Variants in NCOR2 observed in about 807,000 individuals in gnomAD.
The protein encoded by NCOR2 is nuclear receptor corepressor 2.
Under a neutral mutation model 262.9 loss-of-function variants are expected in NCOR2, and 81 were observed. That is an observed-to-expected ratio of 0.31 (90% confidence interval 0.26 to 0.37). The LOEUF is 0.37. NCOR2 is among the 10% of genes least tolerant of loss of function. The pLI, the probability that NCOR2 is intolerant of heterozygous loss-of-function variation, is 1.00. For missense variants in NCOR2, 3,385 were observed against 3,621.4 expected, an observed-to-expected ratio of 0.93 and a Z score of 1.68; for synonymous variants, 1,659 against 1,559.3, an observed-to-expected ratio of 1.06 and a Z score of -1.51.
Position 124,332,471 on chromosome 12 carries a change from T to C in NCOR2, c.6756-4A>G, listed in dbSNP as rs940544715. 1.9e-6 allele frequency: 3 copies of C among 1,614,064 alleles called. No individual in the cohort carries two copies. Among genetic ancestry groups the C allele is most frequent in the Non-Finnish European group, 2.5e-6 (3 of 1,180,034 alleles). The stretch of plus-strand genomic sequence containing the variant: ...TGGAGACTTGGAGCCCATCCTGCTG[T>C]GAGGATCAAACACCTCACATCAGCT... On this transcript the variant is annotated splice_region_variant and splice_polypyrimidine_tract_variant and intron_variant, in intron 42 of 46. Coordinates refer to ENST00000405201, the Ensembl canonical transcript of NCOR2.
At chr12:124,391,541 C>T (rs1378840532) in intron 16 of NCOR2, among the ~76,000 whole-genome samples, 1 of 152,140 alleles carries the variant, frequency 6.6e-6, no homozygotes, top group Non-Finnish European at 1.5e-5. Context: ...TCCGCATTGA[C>T]ACCCTTGACA....
At position 124,327,419 on chromosome 12, in the gene NCOR2, G is replaced by C. The variant is rs73419814; in HGVS notation, c.7173C>G (p.Leu2391=). ...GGGTGGCCTGCAGACCTGGCGAGGT[G>C]AGTGTGTGGTCACTCCGTCCGTCAG... Residue 2391 remains leucine, a synonymous_variant, in exon 45 of 47, where the codon CTC becomes CTG. Coordinates refer to ENST00000405201, the Ensembl canonical transcript of NCOR2. The C allele has an allele frequency of 2.3e-5, 37 of 1,610,110 alleles. No homozygotes were observed. The African/African-American group carries it at 4.0e-4, about 17-fold the overall frequency.
chr12:124,457,360 C>A lies in NCOR2; in HGVS notation c.706-198G>T, dbSNP rs1013874009. ...AAACACAGAGGAGCCTCAATACCCCCACAGCGGCCCCAGCAAGCCAGCCAA... is the reference window on the plus strand; with the variant it reads ...AAACACAGAGGAGCCTCAATACCCCAACAGCGGCCCCAGCAAGCCAGCCAA... On this transcript the variant is annotated intron_variant, in intron 5 of 46. Transcript: ENST00000405201. This position sits in a 1 kb window ranked among gnomAD's most constrained non-coding sequence, Gnocchi z 4.0. Among the ~76,000 whole-genome samples, 1 of 151,868 alleles carries A rather than the reference C, an allele frequency of 6.6e-6. No individual in the cohort carries two copies. The highest frequency in any genetic ancestry group is 6.5e-5 in the Admixed American group (1 of 15,274).
At chr12:124,392,579 G>A (rs1258048812) in intron 16 of NCOR2, among the ~76,000 whole-genome samples, 3 of 152,290 alleles carry the variant, frequency 2.0e-5, no homozygotes, top group African/African-American at 7.2e-5. Context: ...AAACCCAGGA[G>A]CAGCAGCACT....
intron 4 of NCOR2, among the ~76,000 whole-genome samples, chr12:124,467,168 C>T (rs2046471125): frequency 7.4e-6 from 1 of 134,670 alleles, no homozygotes; most frequent in African/African-American, 2.8e-5. Flanking sequence ...TCCTCATCAC[C>T]CCATCACCTG....
At chr12:124,500,670 C>T (rs753990532) in intron 1 of NCOR2, among the ~76,000 whole-genome samples, 3 of 151,912 alleles carry the variant, frequency 2.0e-5, no homozygotes, top group South Asian at 2.1e-4. Context: ...GGCGCCTTTC[C>T]GGGAGGCCCT....
At chr12:124,380,376 G>C (rs542833289) in intron 17 of NCOR2, among the ~76,000 whole-genome samples, 1 of 152,348 alleles carries the variant, frequency 6.6e-6, no homozygotes, top group East Asian at 1.9e-4. Context: ...ACGACTGCTC[G>C]TCCGTTAGTC....
chr12:124,359,105 C>T (rs1243341890), intron 22 of NCOR2, among the ~76,000 whole-genome samples: 2 of 152,196 alleles, frequency 1.3e-5, no homozygotes, highest in African/African-American at 4.8e-5. Flanking sequence ...GGCCCCGGGG[C>T]TCAGGCCTGG....
intron 16 of NCOR2, among the ~76,000 whole-genome samples, chr12:124,386,390 A>T (rs1226372940): frequency 6.6e-6 from 1 of 151,876 alleles, no homozygotes; most frequent in Non-Finnish European, 1.5e-5. Context: ...GGACGTGGTG[A>T]GCAGGGGATG....
chr12:124,339,014 A>G (rs1593117133), intron 37 of NCOR2, among the ~76,000 whole-genome samples: 2 of 128,492 alleles, frequency 1.6e-5, no homozygotes, highest in East Asian at 4.6e-4. Context: ...GCCAGCGTCT[A>G]TACTCTCACC....
chr12:124,388,722 C>T (rs564495151), intron 16 of NCOR2: 14 of 1,304,334 alleles, frequency 1.1e-5, no homozygotes, highest in Admixed American at 4.6e-5. Flanking sequence ...CCAAGTTTTC[C>T]GGAAACATAG....
chr12:124,334,017 T>C (rs2035632221), intron 41 of NCOR2, among the ~76,000 whole-genome samples: 1 of 152,074 alleles, frequency 6.6e-6, no homozygotes, highest in African/African-American at 2.4e-5. Context: ...TGTGTGTGGG[T>C]GTGCATGTGT....
At chr12:124,336,551 C>CA (rs1350571932) in intron 38 of NCOR2, 98 of 958,304 alleles carry the variant, frequency 1.0e-4, no homozygotes, top group East Asian at 3.5e-4. Flanking sequence ...AAACCAACAA[C>CA]AAAAAAAACG....
At chr12:124,452,804 C>T (rs1287834152) in intron 6 of NCOR2, among the ~76,000 whole-genome samples, 1 of 152,210 alleles carries the variant, frequency 6.6e-6, no homozygotes, top group African/African-American at 2.4e-5. Flanking sequence ...CCTCCCCTGC[C>T]CTGTAGATAG....
chr12:124,347,590 A>T, intron 30 of NCOR2: 1 of 532,402 alleles, frequency 1.9e-6, no homozygotes, highest in Non-Finnish European at 3.4e-6. Context: ...TTGCTATGTG[A>T]CACCTAAAAG....
At chr12:124,384,135 C>T (rs531743852) in intron 17 of NCOR2, among the ~76,000 whole-genome samples, 54 of 152,302 alleles carry the variant, frequency 3.5e-4, no homozygotes, top group South Asian at 6.2e-4. Context: ...CAAAGCCCTG[C>T]CCCCAAGTCA....
intron 11 of NCOR2, among the ~76,000 whole-genome samples, chr12:124,425,693 A>G (rs957958841): frequency 1.3e-5 from 2 of 152,104 alleles, no homozygotes; most frequent in East Asian, 1.9e-4. Flanking sequence ...AGCTTTTGAG[A>G]GAACTCGACT....
intron 1 of NCOR2, among the ~76,000 whole-genome samples, chr12:124,562,461 T>C (rs551374272): frequency 3.3e-5 from 5 of 152,338 alleles, no homozygotes; most frequent in African/African-American, 1.2e-4. Flanking sequence ...CTGCTCCTTT[T>C]TTCAGAGACC....
chr12:124,448,093 T>C (rs887820098), intron 7 of NCOR2, among the ~76,000 whole-genome samples: 6 of 152,236 alleles, frequency 3.9e-5, no homozygotes, highest in African/African-American at 7.2e-5. Context: ...CAAGGCTGAA[T>C]AGCCAAGGCC....
Sources: allele counts gnomAD v4.1 joint callset (sites outside exome capture counted in the v4.1 genomes callset), GRCh38; gene constraint gnomAD v4.1.1; non-coding constraint Gnocchi (gnomAD v3.1); transcripts MANE v1.5; gene names NCBI Gene and HGNC (gene_info 2026-07-23, HGNC 2026-07-21).